Variants in DPH6 observed in about 807,000 individuals in gnomAD.
DPH6 encodes the protein diphthine--ammonia ligase.
DPH6 carries 33 observed loss-of-function variants against 38.2 expected under a neutral mutation model. The observed-to-expected ratio is 0.86, with a 90% CI of 0.65 to 1.15. DPH6 has a LOEUF of 1.15. DPH6 is among the 50% of genes most tolerant of loss of function. The pLI is 0.00. For synonymous variants in DPH6, 108 were observed against 103.0 expected (o/e 1.05, Z -0.30); for missense variants, 325 against 320.0 (o/e 1.02, Z -0.12).
chr15:35,199,902 T>C, the DPH6 span, among the ~76,000 whole-genome samples: 1 of 152,008 alleles, frequency 6.6e-6, no homozygotes, highest in African/African-American at 2.4e-5. Flanking sequence ...TCCAAAATTG[T>C]GATGTCATTA....
At chr15:35,223,902 T>C (rs968099107) in intron 3 of DPH6, among the ~76,000 whole-genome samples, 8 of 151,744 alleles carry the variant, frequency 5.3e-5, no homozygotes, top group Admixed American at 3.9e-4. Context: ...GCCTTAAAAA[T>C]CCCCCACGCT....
rs535828993 is a variant in DPH6 at position 35,298,192 on chromosome 15, G to A, written n.200+75329C>T. 1.1e-4 allele frequency: 49 copies of A among 449,756 alleles called. 1 individual carries two copies. Among genetic ancestry groups the A allele is most frequent in the African/African-American group, 7.1e-4 (35 of 49,380 alleles). The allele number at this position is 449,756 out of a possible 1,614,324, so 27.9% of individuals were successfully genotyped here. ...CTGTGACCTTTTTCCTTCTTTTCTC[G>A]GCCTGCAGTTCATTTAAGGATCACC... On this transcript the variant is annotated intron_variant and non_coding_transcript_variant, in intron 3 of 3. Coordinates refer to the DPH6 transcript ENST00000560386.
intron 3 of DPH6, among the ~76,000 whole-genome samples, chr15:35,310,000 AC>A (rs2052126764): frequency 1.3e-5 from 2 of 152,068 alleles, no homozygotes; most frequent in Admixed American, 6.6e-5. Flanking sequence ...CTAGAAGAAA[AC>A]TTTTTTTTCC....
chr15:35,482,486 G>T (rs1014973873), intron 3 of DPH6, among the ~76,000 whole-genome samples: 1 of 152,138 alleles, frequency 6.6e-6, no homozygotes, highest in East Asian at 1.9e-4. Context: ...AAAAATAGTA[G>T]TACTGAAGTA....
chr15:35,409,006 CAAAG>C (rs1284301349), intron 6 of DPH6, among the ~76,000 whole-genome samples: 3 of 151,694 alleles, frequency 2.0e-5, no homozygotes, highest in Non-Finnish European at 4.4e-5. Flanking sequence ...ATGAAGGAGA[CAAAG>C]AGAGCGAGAA....
the DPH6 span, among the ~76,000 whole-genome samples, chr15:35,211,983 T>C: frequency 6.6e-6 from 1 of 152,334 alleles, no homozygotes; most frequent in South Asian, 2.1e-4. Flanking sequence ...GCTGTTCAAC[T>C]AGTTCACTTC....
intron 3 of DPH6, among the ~76,000 whole-genome samples, chr15:35,258,050 A>G (rs1483930116): frequency 6.6e-6 from 1 of 152,146 alleles, no homozygotes; most frequent in Non-Finnish European, 1.5e-5. Flanking sequence ...ATTTTATGAT[A>G]TCTTCTATCC....
chr15:35,235,677 C>G (rs984624399), intron 3 of DPH6, among the ~76,000 whole-genome samples: 1 of 152,166 alleles, frequency 6.6e-6, no homozygotes, highest in African/African-American at 2.4e-5. Flanking sequence ...TTTAAAATTT[C>G]AAATTCATAA....
intron 5 of DPH6, among the ~76,000 whole-genome samples, chr15:35,428,489 A>C (rs899133916): frequency 6.6e-6 from 1 of 152,102 alleles, no homozygotes; most frequent in Admixed American, 6.6e-5. Flanking sequence ...TCTGTCAAAG[A>C]AGCAGTATTA....
At chr15:35,543,970 T>C (rs1034493936) in intron 1 of DPH6, among the ~76,000 whole-genome samples, 3 of 152,238 alleles carry the variant, frequency 2.0e-5, no homozygotes, top group African/African-American at 7.2e-5. Flanking sequence ...TTTTAAGCAG[T>C]ATTTACCAAA....
chr15:35,317,643 A>G (rs1167996224), intron 3 of DPH6, among the ~76,000 whole-genome samples: 1 of 151,814 alleles, frequency 6.6e-6, no homozygotes, highest in Non-Finnish European at 1.5e-5. Flanking sequence ...GAAATTCAGA[A>G]AGGAATGAAA....
chr15:35,314,363 T>TCA (rs2052169780), intron 3 of DPH6, among the ~76,000 whole-genome samples: 1 of 152,212 alleles, frequency 6.6e-6, no homozygotes, highest in African/African-American at 2.4e-5. Context: ...ACTTATTACT[T>TCA]GATATATATT....
intron 3 of DPH6, among the ~76,000 whole-genome samples, chr15:35,352,910 G>A (rs2052527846): frequency 6.6e-6 from 1 of 152,152 alleles, no homozygotes; most frequent in Non-Finnish European, 1.5e-5. Context: ...GTGTAAAAGT[G>A]TTCCTATTTC....
intron 5 of DPH6, among the ~76,000 whole-genome samples, chr15:35,420,451 A>G (rs2053490192): frequency 6.6e-6 from 1 of 152,196 alleles, no homozygotes; most frequent in Non-Finnish European, 1.5e-5. Flanking sequence ...ATTAGGGCAT[A>G]AATAAATAAA....
At chr15:35,505,321 G>A (rs947215404) in intron 3 of DPH6, among the ~76,000 whole-genome samples, 1 of 151,736 alleles carries the variant, frequency 6.6e-6, no homozygotes, top group Admixed American at 6.6e-5. Flanking sequence ...TCCTTTGCAG[G>A]CACTTCCTCT....
chr15:35,173,842 C>T, the DPH6 span, among the ~76,000 whole-genome samples: 1 of 152,188 alleles, frequency 6.6e-6, no homozygotes, highest in African/African-American at 2.4e-5. Flanking sequence ...AGAGGTTAGA[C>T]TTATCTTTTA....
chr15:35,429,724 T>C (rs542350569), intron 5 of DPH6, among the ~76,000 whole-genome samples: 2 of 152,242 alleles, frequency 1.3e-5, no homozygotes, highest in African/African-American at 4.8e-5. Context: ...CCTAAAGAGA[T>C]GTGTCTCTGA....
At chr15:35,390,889 C>T (rs2053046229) in intron 6 of DPH6, among the ~76,000 whole-genome samples, 1 of 152,192 alleles carries the variant, frequency 6.6e-6, no homozygotes, top group South Asian at 2.1e-4. Flanking sequence ...TGGTGAGGAG[C>T]TGCATTCCTT....
At chr15:35,460,780 T>C (rs997378270) in intron 3 of DPH6, among the ~76,000 whole-genome samples, 8 of 152,028 alleles carry the variant, frequency 5.3e-5, no homozygotes, top group Admixed American at 2.6e-4. Context: ...CTCCAATCTC[T>C]GTCAATATGA....
Sources: allele counts gnomAD v4.1 joint callset (sites outside exome capture counted in the v4.1 genomes callset), GRCh38; gene constraint gnomAD v4.1.1; transcripts MANE v1.5; gene names NCBI Gene and HGNC (gene_info 2026-07-23, HGNC 2026-07-21).